Variants in CCDC144A observed in about 807,000 individuals in gnomAD.
CCDC144A encodes coiled-coil domain containing 144A.
A neutral mutation model predicts 143.8 loss-of-function variants in CCDC144A; 41 were observed. The observed-to-expected ratio is 0.29, with a 90% CI of 0.22 to 0.37. CCDC144A has a LOEUF of 0.37. Among genes scored for constraint, CCDC144A ranks in the 10% least tolerant of loss-of-function variants. The probability of loss-of-function intolerance (pLI) is 1.00; values close to 1 mark genes in which losing one functional copy is unlikely to be tolerated. For missense variants in CCDC144A, 637 were observed against 1,488.8 expected (o/e 0.43, Z 9.41); for synonymous variants, 242 against 517.9 (o/e 0.47, Z 7.23).
At chr17:16,751,307 G>C (rs183143968) in intron 12 of CCDC144A, among the ~76,000 whole-genome samples, 6 of 151,962 alleles carry the variant, frequency 3.9e-5, no homozygotes, top group Non-Finnish European at 8.8e-5. Flanking sequence ...ACTCTACACA[G>C]GTTCCTTCCT....
rs2143023669 is a variant in CCDC144A at position 16,690,523 on chromosome 17, G to T, written c.123G>T (p.Pro41=). The stretch of plus-strand genomic sequence containing the variant: ...GGGACCAGTGGTACTTGGGCTACCC[G>T]GGGGACCAGTGGTCCTCGGGCTTCC... ...SQGDQWYLGY[P]GDQWSSGFPY... Residue 41 remains proline, a synonymous_variant, in exon 1 of 17, where the codon CCG becomes CCT. Transcript: ENST00000399273. 1 of 1,613,050 alleles carries T rather than the reference G, an allele frequency of 6.2e-7. No homozygotes were observed. Among genetic ancestry groups the T allele is most frequent in the Non-Finnish European group, 8.5e-7 (1 of 1,179,622 alleles).
intron 12 of CCDC144A, among the ~76,000 whole-genome samples, chr17:16,753,800 T>C (rs1278623038): frequency 2.0e-5 from 3 of 152,254 alleles, no homozygotes; most frequent in Admixed American, 6.5e-5. Context: ...TTCAGGGATA[T>C]TGGCATGTAG....
chr17:16,753,677 G>GT (rs1237407476), intron 12 of CCDC144A, among the ~76,000 whole-genome samples: 1 of 152,116 alleles, frequency 6.6e-6, no homozygotes, highest in Non-Finnish European at 1.5e-5. Flanking sequence ...TTGGTGGCGT[G>GT]TTTATGGTTT....
Position 16,776,947 on chromosome 17 carries a change from G to T in CCDC144A, c.*3314G>T, listed in dbSNP as rs1258233760. The T allele has an allele frequency of 7.0e-6, 1 of 143,730 alleles. No homozygotes were observed. The highest frequency in any genetic ancestry group is 7.1e-5 in the Admixed American group (1 of 14,056). 8.9% of individuals were successfully genotyped at this position (143,730 alleles called of 1,614,324 possible). On this transcript the variant is annotated 3_prime_UTR_variant, in exon 17 of 17. Transcript: ENST00000399273. Reference sequence around the variant, plus strand: ...GTAAGAATTCACCAACCAAGTTGCTGCTGTCTTCAGGAGACTCACCTAACA... The same window carrying T: ...GTAAGAATTCACCAACCAAGTTGCTTCTGTCTTCAGGAGACTCACCTAACA...
At chr17:16,755,101 T>C (rs966039981) in intron 12 of CCDC144A, among the ~76,000 whole-genome samples, 1 of 152,270 alleles carries the variant, frequency 6.6e-6, no homozygotes, top group Non-Finnish European at 1.5e-5. Flanking sequence ...CTTCCATCCT[T>C]TCACTTGCAG....
chr17:16,767,498 T>C (rs1306982349), intron 15 of CCDC144A, among the ~76,000 whole-genome samples: 2 of 53,528 alleles, frequency 3.7e-5, no homozygotes, highest in Non-Finnish European at 6.7e-5. Context: ...AACTGAGATT[T>C]ACAAAAAAAG....
chr17:16,750,264 A>G (rs1481280581), intron 12 of CCDC144A, among the ~76,000 whole-genome samples: 1 of 151,594 alleles, frequency 6.6e-6, no homozygotes, highest in African/African-American at 2.4e-5. Context: ...ACTCCTTAAG[A>G]ATCTCTTGTA....
Position 16,725,192 on chromosome 17 carries a change from TTTTATCCAGTC to T in CCDC144A, c.1892-2333_1892-2323del, listed in dbSNP as rs528962768. The stretch of plus-strand genomic sequence containing the variant: ...GGAAGCATGGAGTAGGTTCTTGCCT[TTTTATCCAGTC>T]TGACAATCTGCCTTTTAATTGAGAC... On this transcript the variant is annotated intron_variant, in intron 8 of 16. Transcript: ENST00000399273. 7.9e-5 allele frequency among the ~76,000 whole-genome samples: 12 copies of T among 151,604 alleles called. No individual in the cohort carries two copies. In the South Asian group the frequency reaches 2.5e-3, roughly 32 times the overall value.
the CCDC144A span, among the ~76,000 whole-genome samples, chr17:16,682,883 GTTTTT>G: frequency 0.036 from 1,634 of 46,028 alleles, 78 homozygotes; most frequent in African/African-American, 0.069. Context: ...TGGATTCTCT[GTTTTT>G]TTTTTTTTTT....
chr17:16,725,052 G>C (rs1047024209), intron 8 of CCDC144A, among the ~76,000 whole-genome samples: 4 of 71,492 alleles, frequency 5.6e-5, no homozygotes, highest in African/African-American at 1.5e-4. Context: ...ATCTACTTTG[G>C]TATTAACATA....
the CCDC144A span, among the ~76,000 whole-genome samples, chr17:16,670,307 T>TTTTTTTTTTTTAAAGGGCCGG: frequency 6.3e-5 from 8 of 127,794 alleles, no homozygotes; most frequent in Non-Finnish European, 8.2e-5. Flanking sequence ...TTTTTTTTTT[T>TTTTTTTTTTTTAAAGGGCCGG]GACAGAGTCT....
At chr17:16,704,441 C>T (rs1365600484) in intron 2 of CCDC144A, among the ~76,000 whole-genome samples, 2 of 151,848 alleles carry the variant, frequency 1.3e-5, no homozygotes, top group African/African-American at 2.4e-5. Flanking sequence ...GGTGACAAAG[C>T]GAGACTCCGT....
At chr17:16,712,035 C>A in intron 6 of CCDC144A, 1 of 617,984 alleles carries the variant, frequency 1.6e-6, no homozygotes, top group Non-Finnish European at 2.7e-6. Flanking sequence ...GAGGCTGAGG[C>A]AAGAGAATCA....
At chr17:16,681,993 T>C in the CCDC144A span, among the ~76,000 whole-genome samples, 4 of 152,182 alleles carry the variant, frequency 2.6e-5, no homozygotes, top group African/African-American at 9.6e-5. Context: ...GGCTAGCCTA[T>C]AATTTTGAGG....
At chr17:16,670,189 AAAG>A in the CCDC144A span, among the ~76,000 whole-genome samples, 2 of 152,090 alleles carry the variant, frequency 1.3e-5, no homozygotes, top group African/African-American at 4.8e-5. Flanking sequence ...TCAAAAATAA[AAAG>A]TAAAGAGAAA....
chr17:16,762,812 T>A (rs2143377655), intron 14 of CCDC144A, among the ~76,000 whole-genome samples: 2 of 152,120 alleles, frequency 1.3e-5, no homozygotes, highest in East Asian at 3.9e-4. Flanking sequence ...CCCTTAATAT[T>A]CTTATATAGT....
chr17:16,674,575 G>A, the CCDC144A span, among the ~76,000 whole-genome samples: 560 of 147,950 alleles, frequency 3.8e-3, 6 homozygotes, highest in African/African-American at 0.013. Flanking sequence ...GAGGGAAAGA[G>A]AAAGAAAAAG....
chr17:16,758,485 C>T (rs1419623823), intron 12 of CCDC144A, among the ~76,000 whole-genome samples: 8 of 152,218 alleles, frequency 5.3e-5, no homozygotes, highest in African/African-American at 1.7e-4. Context: ...TTGTCTACCA[C>T]TCACCCACCC....
At chr17:16,717,038 T>G (rs1192426798) in intron 6 of CCDC144A, among the ~76,000 whole-genome samples, 2 of 151,448 alleles carry the variant, frequency 1.3e-5, no homozygotes, top group Non-Finnish European at 2.9e-5. Flanking sequence ...CCTGACCTCA[T>G]GATCCGCCCG....
Sources: allele counts gnomAD v4.1 joint callset (sites outside exome capture counted in the v4.1 genomes callset), GRCh38; gene constraint gnomAD v4.1.1; transcripts MANE v1.5; gene names NCBI Gene and HGNC (gene_info 2026-07-23, HGNC 2026-07-21).